FNTA: variants seen among roughly 807,000 people sequenced by gnomAD.
The protein encoded by FNTA is protein farnesyltransferase/geranylgeranyltransferase type-1 subunit alpha.
A neutral mutation model predicts 55.2 loss-of-function variants in FNTA; 27 were observed. The observed-to-expected ratio is 0.49, with a 90% CI of 0.36 to 0.67. FNTA has a LOEUF of 0.67. Ranked by LOEUF, FNTA falls within the 30% of genes least tolerant of loss-of-function variation. The pLI is 0.00. For synonymous variants in FNTA, 176 were observed against 170.7 expected (o/e 1.03, Z -0.24); for missense variants, 422 against 464.7 (o/e 0.91, Z 0.85).
chr8:43,069,701 G>T, intron 4 of FNTA, 42 bp downstream of exon 4: 1 of 1,262,426 alleles, frequency 7.9e-7, no homozygotes, highest in Non-Finnish European at 1.2e-6. Context: ...CTGGAGTGCA[G>T]TGGCATGACC....
intron 2 of FNTA, among the ~76,000 whole-genome samples, chr8:43,062,487 G>A (rs11782725): frequency 8.6e-5 from 13 of 151,896 alleles, no homozygotes; most frequent in Non-Finnish European, 1.8e-4. Context: ...TCACCATGTT[G>A]GTCAGGCTGG....
At chr8:43,063,158 G>C in intron 2 of FNTA, 1 of 413,118 alleles carries the variant, frequency 2.4e-6, no homozygotes, top group Non-Finnish European at 4.8e-6. Context: ...ATGGCTCACT[G>C]CAGCCTTGAC....
chr8:43,056,344 G>T lies in FNTA; in HGVS notation c.-3G>T, dbSNP rs1275616344. ...CACCACCTCAGCTGCGGACCGAGGC[G>T]AGATGGCGGCCACCGAGGGGGTCGG... On this transcript the variant is annotated 5_prime_UTR_variant, in exon 1 of 9. Coordinates refer to ENST00000302279, the MANE Select transcript of FNTA (RefSeq NM_002027.3). The T allele has an allele frequency of 2.1e-6, 3 of 1,413,824 alleles. No homozygotes were observed. The highest frequency in any genetic ancestry group is 2.7e-6 in the Non-Finnish European group (3 of 1,092,182). 87.6% of individuals were successfully genotyped at this position (1,413,824 alleles called of 1,614,324 possible).
intron 2 of FNTA, 88 bp downstream of exon 2, chr8:43,059,265 A>G (rs1810479799): frequency 1.2e-6 from 1 of 846,054 alleles, no homozygotes; most frequent in South Asian, 1.8e-5. Context: ...ATAGATGACA[A>G]ATTTCTGTCT....
chr8:43,070,056 C>T (rs1810752211), intron 4 of FNTA: 2 of 151,694 alleles, frequency 1.3e-5, no homozygotes, highest in Non-Finnish European at 2.9e-5. Flanking sequence ...GAGTTTGAGA[C>T]CAGCCTGGCC....
intron 4 of FNTA, among the ~76,000 whole-genome samples, chr8:43,070,582 T>G (rs1586657421): frequency 2.0e-5 from 3 of 152,236 alleles, no homozygotes; most frequent in African/African-American, 7.2e-5. Context: ...AAATTGCTTT[T>G]CTTTTCTGGA....
At chr8:43,071,900 TTTGTC>T (rs1446042175) in intron 4 of FNTA, among the ~76,000 whole-genome samples, 2 of 152,178 alleles carry the variant, frequency 1.3e-5, no homozygotes, top group Non-Finnish European at 2.9e-5. Context: ...AATAGCACAT[TTTGTC>T]TTGTCTCTCA....
chr8:43,062,713 A>G (rs773314797), intron 2 of FNTA, among the ~76,000 whole-genome samples: 4 of 152,232 alleles, frequency 2.6e-5, no homozygotes, highest in Admixed American at 1.3e-4. Flanking sequence ...CTGTTTCTCT[A>G]TAGTCAAAAT....
chr8:43,062,381 A>G (rs1424003021), intron 2 of FNTA, among the ~76,000 whole-genome samples: 2 of 151,968 alleles, frequency 1.3e-5, no homozygotes, highest in Non-Finnish European at 2.9e-5. Context: ...TCCCAGGTTC[A>G]AGCGATTCTC....
intron 3 of FNTA, among the ~76,000 whole-genome samples, chr8:43,064,456 G>A (rs1050955651): frequency 1.3e-4 from 19 of 151,918 alleles, no homozygotes; most frequent in African/African-American, 4.6e-4. Flanking sequence ...GGGATTACGG[G>A]CGCCCACCAC....
intron 3 of FNTA, 144 bp downstream of exon 3, chr8:43,064,359 T>C (rs917963493): frequency 3.3e-5 from 19 of 572,196 alleles, no homozygotes; most frequent in Admixed American, 3.0e-4. Flanking sequence ...TTGCCCAGGC[T>C]GGAGTATAAC....
At chr8:43,083,227 A>G (rs369460382) in intron 7 of FNTA, 47 bp downstream of exon 7, 22 of 1,067,102 alleles carry the variant, frequency 2.1e-5, no homozygotes, top group African/African-American at 4.8e-5. Context: ...AGAAGTGGCT[A>G]TATGATGCAT....
rs1266059172 is a variant in FNTA, at chr8:43,056,516, G to T, written c.170G>T (p.Ser57Ile). Residue 57 changes from serine (S) to isoleucine (I), a missense_variant, in exon 1 of 9, where the codon AGC becomes ATC. This residue lies in a region of FNTA where 160 missense variants were observed against 121.6 expected (regional missense o/e 1.32). Transcript: ENST00000302279. ...TCCCCCATGGACGACGGGTTTGTGAGCCTGGACTCGCCCTCCTATGTCCTG... is the reference window on the plus strand; with the variant it reads ...TCCCCCATGGACGACGGGTTTGTGATCCTGGACTCGCCCTCCTATGTCCTG... Reference protein sequence around the residue: ...VASPMDDGFVSLDSPSYVLYR... With the variant: ...VASPMDDGFVILDSPSYVLYR... 1 of 1,561,308 alleles carries T rather than the reference G, an allele frequency of 6.4e-7. No individual in the cohort carries two copies. The highest frequency in any genetic ancestry group is 8.6e-7 in the Non-Finnish European group (1 of 1,157,278).
chr8:43,063,315 A>G, intron 2 of FNTA: 1 of 456,028 alleles, frequency 2.2e-6, no homozygotes. Flanking sequence ...TGCTGGGTTC[A>G]AGTGATCTGC....
At chr8:43,081,958 TAAAC>T (rs1447243918) in intron 6 of FNTA, 2 of 152,320 alleles carry the variant, frequency 1.3e-5, no homozygotes, top group East Asian at 1.9e-4. Context: ...TTAAGAATCT[TAAAC>T]AAGGACCAGC....
chr8:43,085,032 A>G, intron 8 of FNTA, 128 bp from the exon 9 acceptor site: 1 of 1,127,234 alleles, frequency 8.9e-7, no homozygotes, highest in Non-Finnish European at 1.3e-6. Flanking sequence ...TCACTTGGCA[A>G]CACAGCCGGT....
At chr8:43,061,695 T>A (rs35688388) in intron 2 of FNTA, among the ~76,000 whole-genome samples, 20,214 of 152,122 alleles carry the variant, frequency 0.13, 1,878 homozygotes, top group African/African-American at 0.26. Flanking sequence ...AGTTTGAGAA[T>A]CTTCGAGCAT....
At chr8:43,060,223 G>C (rs562851928) in intron 2 of FNTA, among the ~76,000 whole-genome samples, 1 of 152,144 alleles carries the variant, frequency 6.6e-6, no homozygotes, top group Non-Finnish European at 1.5e-5. Flanking sequence ...TCACAAAATA[G>C]AAATATCTAT....
rs745393066 is a variant in FNTA, at chr8:43,084,747, C to G, written c.883C>G (p.Leu295Val). 45 of 1,612,882 alleles carry G rather than the reference C, an allele frequency of 2.8e-5. No homozygotes were observed. The highest frequency in any genetic ancestry group is 3.1e-5 in the Non-Finnish European group (36 of 1,179,538). ...QDRGLSKYPN[L>V]LNQLLDLQPS... is the part of the protein sequence containing the mutation. ...TCGTGGTCTTTCCAAATATCCTAAT[C>G]TGTTAAATCAATTACTTGATTTACA... Residue 295 changes from leucine (L) to valine (V), a missense_variant, in exon 8 of 9, where the codon CTG becomes GTG. Physicochemically the swap from Leu to Val is conservative, Grantham distance 32. Transcript: ENST00000302279.
Sources: allele counts gnomAD v4.1 joint callset (sites outside exome capture counted in the v4.1 genomes callset), GRCh38; gene constraint gnomAD v4.1.1; regional missense constraint gnomAD v4.1.1; transcripts MANE v1.5; gene names NCBI Gene and HGNC (gene_info 2026-07-23, HGNC 2026-07-21).